The following TKTL1 variants were observed in gnomAD, a reference collection of about 807,000 sequenced individuals.
TKTL1 encodes transketolase like 1, also known as transketolase-like protein 1.
A neutral mutation model predicts 39.3 loss-of-function variants in TKTL1; 1 was observed. That is an observed-to-expected ratio of 0.03 (90% CI 0.01 to 0.12). The LOEUF is 0.12. Among genes scored for constraint, TKTL1 ranks in the 10% least tolerant of loss-of-function variants. The probability of loss-of-function intolerance (pLI) is 1.00; values close to 1 mark genes in which losing one functional copy is unlikely to be tolerated. For synonymous variants in TKTL1, 262 were observed against 193.8 expected (o/e 1.35, Z -2.92); for missense variants, 575 against 509.6 (o/e 1.13, Z -1.24).
At chrX:154,308,381 G>T (rs1402763750) in intron 2 of TKTL1, among the ~76,000 whole-genome samples, 4 of 112,140 alleles carry the variant, frequency 3.6e-5, no homozygotes, top group Non-Finnish European at 7.5e-5. Flanking sequence ...CCAGAGCAGT[G>T]GAAGGGAGAA....
chrX:154,327,925 C>T lies in TKTL1; in HGVS notation c.1585C>T (p.Arg529Trp). ...IVSSAKATEG[R>W]IITVEDHYPQ... ...CTCCAGTGCAAAAGCCACAGAGGGC[C>T]GGATCATTACAGTGGAGGATCACTA... Residue 529 changes from arginine to tryptophan, a missense_variant, in exon 12 of 13, where the codon CGG becomes TGG. Arg to Trp is a moderately radical substitution (Grantham distance 101, BLOSUM62 -3). Coordinates refer to ENST00000369915, the MANE Select transcript of TKTL1 (RefSeq NM_012253.4). The T allele has an allele frequency of 8.3e-7, 1 of 1,211,572 alleles. No individual in the cohort carries two copies. The highest frequency in any genetic ancestry group is 1.1e-6 in the Non-Finnish European group (1 of 895,329).
chrX:154,314,949 A>G (rs2067386248), intron 6 of TKTL1, among the ~76,000 whole-genome samples: 1 of 111,428 alleles, frequency 9.0e-6, no homozygotes, highest in Admixed American at 9.6e-5. Flanking sequence ...AAAGAGCACA[A>G]TTTGAGAAAA....
intron 1 of TKTL1, among the ~76,000 whole-genome samples, chrX:154,303,379 ATTTTTT>A (rs1172255094): frequency 6.8e-4 from 23 of 33,667 alleles, no homozygotes; most frequent in African/African-American, 1.6e-3. Flanking sequence ...TGCCCAGCTA[ATTTTTT>A]TTTTTTTTTT....
At chrX:154,317,534 G>A (rs2067411068) in intron 7 of TKTL1, among the ~76,000 whole-genome samples, 1 of 112,298 alleles carries the variant, frequency 8.9e-6, no homozygotes, top group Non-Finnish European at 1.9e-5. Context: ...TCTTATAGGC[G>A]CCCTTTTCAG....
intron 8 of TKTL1, among the ~76,000 whole-genome samples, chrX:154,322,878 A>C (rs2067462695): frequency 8.9e-6 from 1 of 111,824 alleles, no homozygotes; most frequent in African/African-American, 3.3e-5. Flanking sequence ...CCTAAAGAGA[A>C]CGGGTTCAGA....
Position 154,297,128 on chromosome X carries a change from AAAT to A in TKTL1, c.134+1138_134+1140del, listed in dbSNP as rs782353016. 6.2e-5 allele frequency among the ~76,000 whole-genome samples: 7 copies of A among 112,401 alleles called. No individual in the cohort carries two copies. The Admixed American group carries it at 6.6e-4, about 11-fold the overall frequency. Reference sequence around the variant, plus strand: ...AAACAGTGAGACCCTGTCTCTAAAAAAATAAAGTAAAAGAAACCGGGAATTGAG... The same window carrying A: ...AAACAGTGAGACCCTGTCTCTAAAAAAAAGTAAAAGAAACCGGGAATTGAG... On this transcript the variant is annotated intron_variant, in intron 1 of 12. Coordinates refer to ENST00000369915, the MANE Select transcript of TKTL1 (RefSeq NM_012253.4).
chrX:154,302,869 G>A (rs1283078709), intron 1 of TKTL1, among the ~76,000 whole-genome samples: 2 of 111,204 alleles, frequency 1.8e-5, no homozygotes, highest in Non-Finnish European at 3.8e-5. Context: ...AGGCAGAGAG[G>A]CAGGGACGGG....
chrX:154,300,930 G>A (rs1161515631), intron 1 of TKTL1, among the ~76,000 whole-genome samples: 2 of 109,285 alleles, frequency 1.8e-5, no homozygotes, highest in South Asian at 4.0e-4. Context: ...CCTAACCTCA[G>A]GTGATCTGCC....
chrX:154,323,105 C>T (rs782007026), intron 8 of TKTL1, 102 bp from the exon 9 acceptor site: 8 of 1,055,115 alleles, frequency 7.6e-6, no homozygotes, highest in African/African-American at 1.9e-5. Flanking sequence ...CGGGACACCC[C>T]GTGGCAATAG....
intron 7 of TKTL1, among the ~76,000 whole-genome samples, chrX:154,318,127 G>T (rs1285648256): frequency 9.0e-6 from 1 of 110,992 alleles, no homozygotes; most frequent in South Asian, 3.8e-4. Flanking sequence ...GGAATGCAGT[G>T]GCACAATCAT....
chrX:154,303,966 C>G (rs782026598), intron 1 of TKTL1, among the ~76,000 whole-genome samples: 1 of 109,862 alleles, frequency 9.1e-6, no homozygotes, highest in Non-Finnish European at 1.9e-5. Context: ...AAGGGCACAT[C>G]GTCTTTTTGG....
chrX:154,317,312 CAG>C (rs1225900723), intron 7 of TKTL1, among the ~76,000 whole-genome samples: 2 of 111,889 alleles, frequency 1.8e-5, no homozygotes, highest in African/African-American at 6.5e-5. Flanking sequence ...CAGGGGCAGT[CAG>C]GGACAACCTC....
intron 6 of TKTL1, among the ~76,000 whole-genome samples, chrX:154,314,831 T>C (rs1336091013): frequency 9.0e-6 from 1 of 110,970 alleles, no homozygotes; most frequent in Admixed American, 9.7e-5. Flanking sequence ...GGCCAAGTAA[T>C]TTGAAAAATA....
At chrX:154,299,836 G>T (rs781898446) in intron 1 of TKTL1, among the ~76,000 whole-genome samples, 11 of 111,464 alleles carry the variant, frequency 9.9e-5, no homozygotes, top group Admixed American at 3.8e-4. Flanking sequence ...TCCACTCATT[G>T]GTTGATGGAC....
At chrX:154,298,655 C>G (rs936397648) in intron 1 of TKTL1, among the ~76,000 whole-genome samples, 1 of 111,165 alleles carries the variant, frequency 9.0e-6, no homozygotes, top group Admixed American at 9.6e-5. Context: ...TGTTTGTGCC[C>G]TACACTCCAG....
intron 1 of TKTL1, among the ~76,000 whole-genome samples, chrX:154,304,417 CTT>C (rs782363920): frequency 9.0e-6 from 1 of 110,560 alleles, no homozygotes; most frequent in Non-Finnish European, 1.9e-5. Flanking sequence ...CAAAAGCCCT[CTT>C]TTTGTGTCCT....
chrX:154,312,636 G>A lies in TKTL1; in HGVS notation c.727G>A (p.Ala243Thr). The change falls in exon 6 of 13, where the codon GCC becomes ACC. Residue 243 changes from alanine to threonine, a missense_variant. Physicochemically the swap from Ala to Thr is moderately conservative, Grantham distance 58. Transcript: ENST00000369915. The stretch of plus-strand genomic sequence containing the variant: ...GCCAATGCCGAGAGAAAGAGCAGAT[G>A]CCATTATCAAATTAATTGAGAGCCA... ...AKPMPRERAD[A>T]IIKLIESQIQ... 1 of 1,211,463 alleles carries A rather than the reference G, an allele frequency of 8.3e-7. No individual in the cohort carries two copies. The highest frequency in any genetic ancestry group is 1.1e-6 in the Non-Finnish European group (1 of 895,323).
intron 1 of TKTL1, among the ~76,000 whole-genome samples, chrX:154,301,926 T>A (rs782670227): frequency 3.1e-3 from 336 of 109,317 alleles, no homozygotes; most frequent in African/African-American, 0.011. Flanking sequence ...TTTTTTTTTT[T>A]AAATGAGACA....
chrX:154,312,488 C>T (rs2067365778), intron 5 of TKTL1, 92 bp from the exon 6 acceptor site: 17 of 916,922 alleles, frequency 1.9e-5, no homozygotes, highest in Non-Finnish European at 2.4e-5. Flanking sequence ...CCTAGGGTGA[C>T]ATCTTTTTCA....
Sources: gnomAD v4.1 joint callset for allele counts (sites outside exome capture counted in the v4.1 genomes callset) on GRCh38, gnomAD v4.1.1 for gene constraint, MANE v1.5 for transcripts, NCBI Gene and HGNC (gene_info 2026-07-23, HGNC 2026-07-21) for gene names.